KMT5B: variants seen among roughly 807,000 people sequenced by gnomAD.
The protein encoded by KMT5B is histone-lysine N-methyltransferase KMT5B.
A neutral mutation model predicts 83.2 loss-of-function variants in KMT5B; 10 were observed. The ratio of observed to expected loss-of-function variants is 0.12; its 90% CI spans 0.07 to 0.20. The LOEUF (loss-of-function observed/expected upper bound fraction) is 0.20. Among genes scored for constraint, KMT5B ranks in the 10% least tolerant of loss-of-function variants. The pLI, the probability that KMT5B is intolerant of heterozygous loss-of-function variation, is 1.00. For missense variants in KMT5B, 753 were observed against 1,067.2 expected (o/e 0.71, Z 4.10); for synonymous variants, 349 against 388.8 (o/e 0.90, Z 1.20).
At chr11:68,194,492 C>A (rs962297) in intron 1 of KMT5B, among the ~76,000 whole-genome samples, 1 of 152,034 alleles carries the variant, frequency 6.6e-6, no homozygotes, top group African/African-American at 2.4e-5. Context: ...TGTGCCCGGC[C>A]AAGTGTTCAA....
At position 68,158,186 on chromosome 11, in the gene KMT5B, A is replaced by G. The variant is rs764442751; in HGVS notation, c.2160T>C (p.Leu720=). The change falls in exon 11 of 11, where the codon CTT becomes CTC. Residue 720 remains leucine, a synonymous_variant. Coordinates refer to ENST00000304363, the MANE Select transcript of KMT5B (RefSeq NM_017635.5). ...ENNSGIPKLT[L]RRRHDSSSKT... ...TGCTGCTGCTATCATGACGCCTACGAAGAGTCAATTTGGGAATCCCAGAGT... is the reference window on the plus strand; with the variant it reads ...TGCTGCTGCTATCATGACGCCTACGGAGAGTCAATTTGGGAATCCCAGAGT... The G allele has an allele frequency of 6.2e-7, 1 of 1,614,146 alleles. No individual in the cohort carries two copies. Among genetic ancestry groups the G allele is most frequent in the Admixed American group, 1.7e-5 (1 of 60,028 alleles).
intron 4 of KMT5B, among the ~76,000 whole-genome samples, chr11:68,177,803 C>A (rs2153058458): frequency 6.6e-6 from 1 of 152,228 alleles, no homozygotes; most frequent in African/African-American, 2.4e-5. Flanking sequence ...TGTCAGAGAA[C>A]CACCATGAAA....
intron 10 of KMT5B, among the ~76,000 whole-genome samples, chr11:68,160,249 G>A (rs1036132636): frequency 1.3e-5 from 2 of 152,190 alleles, no homozygotes; most frequent in African/African-American, 4.8e-5. Flanking sequence ...TGTGACTCAA[G>A]CTTAAGCTGC....
upstream of KMT5B, chr11:68,213,549 CCG>C (rs1159765432): frequency 6.6e-6 from 1 of 152,010 alleles, no homozygotes; most frequent in Non-Finnish European, 1.5e-5. Flanking sequence ...GGTCCGTGCG[CCG>C]CGCGGTGCCG....
chr11:68,187,991 A>G (rs2153069911), intron 2 of KMT5B, among the ~76,000 whole-genome samples: 1 of 152,086 alleles, frequency 6.6e-6, no homozygotes, highest in East Asian at 1.9e-4. Flanking sequence ...TATGCTTGGT[A>G]AAGTGTAACC....
At chr11:68,184,579 A>T (rs1857255429) in intron 3 of KMT5B, among the ~76,000 whole-genome samples, 1 of 152,186 alleles carries the variant, frequency 6.6e-6, no homozygotes, top group African/African-American at 2.4e-5. Flanking sequence ...ACTACTGATC[A>T]GTGACCACCT....
At chr11:68,197,915 G>A (rs371474847) in intron 1 of KMT5B, among the ~76,000 whole-genome samples, 47 of 152,184 alleles carry the variant, frequency 3.1e-4, no homozygotes, top group African/African-American at 1.1e-3. Context: ...TAATTTGGGG[G>A]CTATTTAAAA....
At chr11:68,194,217 G>GT (rs1028238803) in intron 1 of KMT5B, among the ~76,000 whole-genome samples, 14 of 145,456 alleles carry the variant, frequency 9.6e-5, no homozygotes, top group African/African-American at 3.6e-4. Context: ...TTGAGACAGA[G>GT]TATCGCTCCC....
chr11:68,207,103 A>G (rs1246917871), intron 1 of KMT5B, among the ~76,000 whole-genome samples: 2 of 151,910 alleles, frequency 1.3e-5, no homozygotes, highest in African/African-American at 4.8e-5. Context: ...TTAGCCGGGC[A>G]TGGTGGCGGC....
At chr11:68,169,881 G>T (rs1267807408) in intron 9 of KMT5B, among the ~76,000 whole-genome samples, 2 of 150,948 alleles carry the variant, frequency 1.3e-5, no homozygotes, top group African/African-American at 5.0e-5. Flanking sequence ...TGTAGAAAAA[G>T]ATAAATTTTA....
In KMT5B at chr11:68,156,036, T is replaced by C. The variant is rs1234003473; in HGVS notation, c.*1652A>G. On this transcript the variant is annotated 3_prime_UTR_variant, in exon 11 of 11. Coordinates refer to ENST00000304363, the MANE Select transcript of KMT5B (RefSeq NM_017635.5). ...CTTAAGGAGCGTCATTGAAACAATA[T>C]CCCCCCAAACCTGGAAACTAGTAGG... is the stretch of plus-strand genomic sequence containing the variant. 6.6e-6 allele frequency: 1 copy of C among 152,030 alleles called. No homozygotes were observed. The highest frequency in any genetic ancestry group is 2.4e-5 in the African/African-American group (1 of 41,380). 9.4% of individuals were successfully genotyped at this position (152,030 alleles called of 1,614,324 possible).
intron 4 of KMT5B, 92 bp from the exon 5 acceptor site, chr11:68,175,275 TAA>T: frequency 2.2e-6 from 2 of 929,694 alleles, no homozygotes; most frequent in Non-Finnish European, 3.2e-6. Context: ...GCTAATACCC[TAA>T]AAACAGCCAT....
chr11:68,206,630 G>A (rs1379923723), intron 1 of KMT5B, among the ~76,000 whole-genome samples: 1 of 152,098 alleles, frequency 6.6e-6, no homozygotes, highest in Non-Finnish European at 1.5e-5. Flanking sequence ...ATGAAAAGAA[G>A]GCCTCCCTAG....
intron 6 of KMT5B, among the ~76,000 whole-genome samples, chr11:68,172,074 G>C (rs189964521): frequency 2.2e-4 from 33 of 152,290 alleles, no homozygotes; most frequent in Admixed American, 4.6e-4. Context: ...GCAGGGACCA[G>C]TGGCAGTAAG....
chr11:68,162,319 G>GT (rs1342267485), intron 10 of KMT5B, among the ~76,000 whole-genome samples: 2 of 152,170 alleles, frequency 1.3e-5, no homozygotes, highest in Non-Finnish European at 2.9e-5. Context: ...ATTTTAACCT[G>GT]TGCTCACATC....
intron 3 of KMT5B, among the ~76,000 whole-genome samples, chr11:68,184,109 G>A (rs558743482): frequency 2.6e-5 from 4 of 152,156 alleles, no homozygotes; most frequent in South Asian, 2.1e-4. Context: ...GGTGGCTCAC[G>A]TCTATAATCC....
At chr11:68,179,416 T>A in intron 4 of KMT5B, 3 of 1,275,628 alleles carry the variant, frequency 2.4e-6, no homozygotes, top group Non-Finnish European at 3.1e-6. Context: ...CATTTACAAT[T>A]GATTATTATT....
chr11:68,182,798 G>A (rs1024865716), intron 3 of KMT5B, among the ~76,000 whole-genome samples: 3 of 150,794 alleles, frequency 2.0e-5, no homozygotes, highest in Non-Finnish European at 2.9e-5. Flanking sequence ...GTGCAGTGGC[G>A]CAATCTCGGC....
chr11:68,185,411 T>C (rs1187401825), intron 3 of KMT5B, among the ~76,000 whole-genome samples: 3 of 152,226 alleles, frequency 2.0e-5, no homozygotes, highest in African/African-American at 7.2e-5. Context: ...TTTCACCATG[T>C]TGGTCAGGCT....
Sources: gnomAD v4.1 joint callset for allele counts (sites outside exome capture counted in the v4.1 genomes callset) on GRCh38, gnomAD v4.1.1 for gene constraint, MANE v1.5 for transcripts, NCBI Gene and HGNC (gene_info 2026-07-23, HGNC 2026-07-21) for gene names.